The following SBF2 variants were observed in gnomAD, a reference collection of about 807,000 sequenced individuals.
SBF2 encodes myotubularin-related protein 13.
A neutral mutation model predicts 225.2 loss-of-function variants in SBF2; 112 were observed. The observed-to-expected ratio is 0.50, with a 90% CI of 0.43 to 0.58. The LOEUF is 0.58. Among genes scored for constraint, SBF2 ranks in the 20% least tolerant of loss-of-function variants. SBF2 has a pLI of 0.00. For missense variants in SBF2, 1,996 were observed against 2,206.2 expected (o/e 0.90, Z 1.91); for synonymous variants, 763 against 773.3 (o/e 0.99, Z 0.22).
At chr11:10,057,001 C>T (rs1192852956) in intron 2 of SBF2, among the ~76,000 whole-genome samples, 1 of 152,142 alleles carries the variant, frequency 6.6e-6, no homozygotes, top group Non-Finnish European at 1.5e-5. Flanking sequence ...CAGCAACTTC[C>T]TACAGGTGCC....
chr11:10,029,392 C>A (rs1005427555), intron 5 of SBF2, among the ~76,000 whole-genome samples: 1 of 152,070 alleles, frequency 6.6e-6, no homozygotes, highest in African/African-American at 2.4e-5. Flanking sequence ...CAACATGTTT[C>A]AATTTAGGTT....
At chr11:9,898,700 C>G (rs180948575) in intron 16 of SBF2, among the ~76,000 whole-genome samples, 11 of 152,132 alleles carry the variant, frequency 7.2e-5, no homozygotes, top group African/African-American at 2.6e-4. Context: ...TAAATCTCAG[C>G]AGTAAAAAGT....
intron 1 of SBF2, among the ~76,000 whole-genome samples, chr11:10,217,760 A>G (rs1591237215): frequency 6.6e-6 from 1 of 152,198 alleles, no homozygotes; most frequent in African/African-American, 2.4e-5. Flanking sequence ...CCTCTGTACT[A>G]GTCTGTTCTC....
Position 9,895,930 on chromosome 11 carries a change from C to T in SBF2, c.1929+13G>A. 1 of 1,581,190 alleles carries T rather than the reference C, an allele frequency of 6.3e-7. No homozygotes were observed. ...AATCATAACAAGCTTATATATGGAC[C>T]AATGAAACTTACCCTATAGAAAGCA... On this transcript the variant is annotated intron_variant, in intron 17 of 39. Coordinates refer to ENST00000256190, the MANE Select transcript of SBF2 (RefSeq NM_030962.4).
rs763946876 is a variant in SBF2 at position 9,789,228 on chromosome 11, G to A, written c.4813C>T (p.Pro1605Ser). Residue 1605 changes from proline to serine, a missense_variant, in exon 35 of 40, where the codon CCC becomes TCC. Coordinates refer to ENST00000256190, the MANE Select transcript of SBF2 (RefSeq NM_030962.4). ...CCAGCCAGGTCAGAGTCTTCGGAGG[G>A]GAAGTGCTTGGGGGTTAGCATCATC... ...DWMMLTPKHF[P>S]SEDSDLAGEA... The A allele has an allele frequency of 6.2e-7, 1 of 1,614,200 alleles. No individual in the cohort carries two copies. Among genetic ancestry groups the A allele is most frequent in the Non-Finnish European group, 8.5e-7 (1 of 1,180,036 alleles).
At chr11:10,148,129 G>A (rs927505638) in intron 2 of SBF2, among the ~76,000 whole-genome samples, 7 of 152,052 alleles carry the variant, frequency 4.6e-5, no homozygotes, top group Admixed American at 3.3e-4. Flanking sequence ...TATATAATAC[G>A]AAGTTTACTG....
intron 2 of SBF2, among the ~76,000 whole-genome samples, chr11:10,131,295 G>A (rs1287474730): frequency 2.6e-5 from 4 of 151,426 alleles, no homozygotes; most frequent in East Asian, 3.9e-4. Context: ...GCACGATCAC[G>A]GCTCACTGCA....
chr11:9,949,343 A>G (rs1460622332), intron 16 of SBF2, among the ~76,000 whole-genome samples: 1 of 152,172 alleles, frequency 6.6e-6, no homozygotes, highest in African/African-American at 2.4e-5. Flanking sequence ...TGACACACTA[A>G]TAACATTGTT....
At chr11:10,068,875 T>C (rs1264768262) in intron 2 of SBF2, among the ~76,000 whole-genome samples, 2 of 152,132 alleles carry the variant, frequency 1.3e-5, no homozygotes, top group Non-Finnish European at 2.9e-5. Context: ...AAAATATGAA[T>C]ATATTTTTAT....
At chr11:9,801,768 C>T (rs1254999897) in intron 32 of SBF2, among the ~76,000 whole-genome samples, 2 of 152,178 alleles carry the variant, frequency 1.3e-5, no homozygotes, top group African/African-American at 4.8e-5. Context: ...AGGCAGCAGA[C>T]AGCAGAAACT....
chr11:9,990,237 C>A (rs929176230), intron 12 of SBF2, among the ~76,000 whole-genome samples: 1 of 152,122 alleles, frequency 6.6e-6, no homozygotes, highest in Non-Finnish European at 1.5e-5. Context: ...ATACAGGATT[C>A]TTCTAGGAAC....
At chr11:10,187,921 G>A (rs1454479437) in intron 2 of SBF2, among the ~76,000 whole-genome samples, 1 of 152,172 alleles carries the variant, frequency 6.6e-6, no homozygotes, top group Non-Finnish European at 1.5e-5. Flanking sequence ...ATGTGCGTGA[G>A]ATAGAGGTAT....
At chr11:10,228,609 T>G (rs150836543) in intron 1 of SBF2, among the ~76,000 whole-genome samples, 32,078 of 152,214 alleles carry the variant, frequency 0.21, 4,114 homozygotes, top group Non-Finnish European at 0.3. Context: ...TCTGTTTATA[T>G]GCTGGATTAC....
intron 1 of SBF2, among the ~76,000 whole-genome samples, chr11:10,196,856 A>ATTTTTTT (rs1294974721): frequency 5.6e-5 from 1 of 17,836 alleles, no homozygotes; most frequent in Non-Finnish European, 1.9e-4. Flanking sequence ...ATATATATAT[A>ATTTTTTT]TATATATATA....
At chr11:9,907,344 TTCTA>T (rs1862196732) in intron 16 of SBF2, among the ~76,000 whole-genome samples, 1 of 152,208 alleles carries the variant, frequency 6.6e-6, no homozygotes, top group Non-Finnish European at 1.5e-5. Flanking sequence ...ATTTATCACC[TTCTA>T]TTCCACATCA....
chr11:9,804,845 T>C (rs887073747), intron 32 of SBF2, among the ~76,000 whole-genome samples: 3 of 152,232 alleles, frequency 2.0e-5, no homozygotes, highest in Non-Finnish European at 4.4e-5. Flanking sequence ...TCTTCATCGG[T>C]TGATGGACAT....
chr11:10,045,565 C>A (rs1012820397), intron 2 of SBF2, among the ~76,000 whole-genome samples: 1 of 152,184 alleles, frequency 6.6e-6, no homozygotes, highest in African/African-American at 2.4e-5. Context: ...ACAACCTGTG[C>A]CAGGACTTGG....
chr11:9,794,092 A>T (rs1852931817), intron 33 of SBF2, among the ~76,000 whole-genome samples: 1 of 152,092 alleles, frequency 6.6e-6, no homozygotes, highest in East Asian at 1.9e-4. Flanking sequence ...CTGAGGTGGG[A>T]TATCGCTTGA....
chr11:10,231,977 C>T (rs1189374773), intron 1 of SBF2, among the ~76,000 whole-genome samples: 1 of 152,232 alleles, frequency 6.6e-6, no homozygotes, highest in Non-Finnish European at 1.5e-5. Context: ...TTCCCGGCCG[C>T]TTTGTTTACC....
Sources: gnomAD v4.1 joint callset for allele counts (sites outside exome capture counted in the v4.1 genomes callset) on GRCh38, gnomAD v4.1.1 for gene constraint, MANE v1.5 for transcripts, NCBI Gene and HGNC (gene_info 2026-07-23, HGNC 2026-07-21) for gene names.